The following LRRTM4 variants were observed in gnomAD, a reference collection of about 807,000 sequenced individuals.
The protein encoded by LRRTM4 is leucine-rich repeat transmembrane neuronal protein 4.
LRRTM4 carries 25 observed loss-of-function variants against 47.6 expected under a neutral mutation model. The observed-to-expected ratio is 0.53, with a 90% confidence interval of 0.38 to 0.73. LRRTM4 has a LOEUF of 0.73. Among genes scored for constraint, LRRTM4 ranks in the 30% least tolerant of loss-of-function variants. LRRTM4 has a pLI of 0.00. For synonymous variants in LRRTM4, 311 were observed against 269.5 expected (o/e 1.15, Z -1.51); for missense variants, 638 against 713.4 (o/e 0.89, Z 1.20).
At chr2:76,783,366 A>C (rs1056000130) in intron 3 of LRRTM4, among the ~76,000 whole-genome samples, 3 of 152,088 alleles carry the variant, frequency 2.0e-5, no homozygotes, top group African/African-American at 7.2e-5. Context: ...ATTTTTAAAA[A>C]CTTTTTTTAA....
At chr2:77,478,152 C>A (rs1358583781) in intron 3 of LRRTM4, among the ~76,000 whole-genome samples, 1 of 152,004 alleles carries the variant, frequency 6.6e-6, no homozygotes, top group Non-Finnish European at 1.5e-5. Flanking sequence ...TAGTATTTTT[C>A]TTTCCCTCTA....
intron 3 of LRRTM4, among the ~76,000 whole-genome samples, chr2:77,294,450 G>C (rs1217454525): frequency 6.6e-6 from 1 of 152,098 alleles, no homozygotes; most frequent in Non-Finnish European, 1.5e-5. Context: ...TTTTGATTTA[G>C]TATTTAGAAA....
chr2:77,089,730 A>G (rs552145663), intron 3 of LRRTM4, among the ~76,000 whole-genome samples: 1 of 152,068 alleles, frequency 6.6e-6, no homozygotes, highest in Admixed American at 6.5e-5. Flanking sequence ...TAAAACCTAA[A>G]TGCCTTATTT....
chr2:77,049,157 T>TATACACAC (rs1351971551), intron 3 of LRRTM4, among the ~76,000 whole-genome samples: 153 of 106,294 alleles, frequency 1.4e-3, no homozygotes, highest in African/African-American at 7.5e-3. Flanking sequence ...TATATATATA[T>TATACACAC]ACACACACAC....
intron 3 of LRRTM4, among the ~76,000 whole-genome samples, chr2:77,431,659 C>T (rs1464495363): frequency 6.7e-6 from 1 of 149,140 alleles, no homozygotes; most frequent in East Asian, 1.9e-4. Flanking sequence ...TATTCTGAGG[C>T]CAGTTGCTTT....
At chr2:77,033,343 T>C (rs145728424) in intron 3 of LRRTM4, among the ~76,000 whole-genome samples, 60 of 152,106 alleles carry the variant, frequency 3.9e-4, no homozygotes, top group African/African-American at 1.4e-3. Context: ...ATTAAAAAAA[T>C]CTTTATCGAA....
chr2:76,925,105 T>G (rs1439868381), intron 3 of LRRTM4, among the ~76,000 whole-genome samples: 1 of 152,092 alleles, frequency 6.6e-6, no homozygotes, highest in Non-Finnish European at 1.5e-5. Context: ...AAGGTAAAGA[T>G]GTAATTGAGT....
intron 3 of LRRTM4, among the ~76,000 whole-genome samples, chr2:77,276,895 C>A (rs1471167982): frequency 6.6e-6 from 1 of 151,070 alleles, no homozygotes; most frequent in Non-Finnish European, 1.5e-5. Context: ...GGGAAATAAT[C>A]AGGAAAAGAG....
intron 3 of LRRTM4, among the ~76,000 whole-genome samples, chr2:77,108,653 G>C (rs1195020948): frequency 1.3e-5 from 2 of 150,032 alleles, no homozygotes; most frequent in African/African-American, 2.5e-5. Flanking sequence ...GCGGGATCTG[G>C]GCTCACTGCA....
chr2:76,887,771 TAAG>T (rs1036749049), intron 3 of LRRTM4, among the ~76,000 whole-genome samples: 2 of 150,604 alleles, frequency 1.3e-5, no homozygotes, highest in Non-Finnish European at 3.0e-5. Flanking sequence ...GAGAAAAACA[TAAG>T]AAAATAAAAT....
At chr2:77,478,013 T>C (rs562876031) in intron 3 of LRRTM4, among the ~76,000 whole-genome samples, 8 of 152,044 alleles carry the variant, frequency 5.3e-5, no homozygotes, top group Non-Finnish European at 5.9e-5. Flanking sequence ...AATTTCATCT[T>C]ATGAATGAAG....
intron 3 of LRRTM4, among the ~76,000 whole-genome samples, chr2:77,480,429 T>C (rs1204875748): frequency 6.6e-6 from 1 of 152,152 alleles, no homozygotes; most frequent in Non-Finnish European, 1.5e-5. Flanking sequence ...TTTAATGTGT[T>C]AGCAATGCAA....
chr2:76,795,470 T>A (rs1045098798), intron 3 of LRRTM4, among the ~76,000 whole-genome samples: 3 of 152,130 alleles, frequency 2.0e-5, no homozygotes, highest in African/African-American at 7.2e-5. Context: ...ATACACAGAA[T>A]TTACATTGTG....
At chr2:77,245,745 C>A (rs1202104846) in intron 3 of LRRTM4, among the ~76,000 whole-genome samples, 1 of 151,944 alleles carries the variant, frequency 6.6e-6, no homozygotes, top group Admixed American at 6.6e-5. Context: ...CTACATGTAG[C>A]ATGTGTGTTT....
intron 3 of LRRTM4, among the ~76,000 whole-genome samples, chr2:77,271,920 T>A (rs1676210541): frequency 6.6e-6 from 1 of 152,184 alleles, no homozygotes; most frequent in African/African-American, 2.4e-5. Flanking sequence ...ACATAAGACT[T>A]TACTTAAGTG....
intron 3 of LRRTM4, among the ~76,000 whole-genome samples, chr2:76,940,012 G>GA (rs1675081405): frequency 6.6e-6 from 1 of 152,010 alleles, no homozygotes. Flanking sequence ...AGGTTGTAGA[G>GA]AAAAAGAAAT....
intron 3 of LRRTM4, among the ~76,000 whole-genome samples, chr2:77,046,303 T>A (rs1679233574): frequency 6.6e-6 from 1 of 151,982 alleles, no homozygotes; most frequent in South Asian, 2.1e-4. Flanking sequence ...TTCACACTAG[T>A]CTGTGAACTC....
intron 3 of LRRTM4, among the ~76,000 whole-genome samples, chr2:77,295,560 G>A (rs1185730071): frequency 6.6e-6 from 1 of 152,110 alleles, no homozygotes; most frequent in Non-Finnish European, 1.5e-5. Flanking sequence ...AAGAAGTACT[G>A]CAGATTGAGT....
intron 3 of LRRTM4, among the ~76,000 whole-genome samples, chr2:76,927,482 G>T (rs999243101): frequency 6.6e-6 from 1 of 152,076 alleles, no homozygotes. Context: ...AGAGACAAAA[G>T]ATGGAATTGG....
Sources: gnomAD v4.1 joint callset for allele counts (sites outside exome capture counted in the v4.1 genomes callset) on GRCh38, gnomAD v4.1.1 for gene constraint, MANE v1.5 for transcripts, NCBI Gene and HGNC (gene_info 2026-07-23, HGNC 2026-07-21) for gene names.